The following LSAMP variants were observed in gnomAD, a reference collection of about 807,000 sequenced individuals.
LSAMP encodes the protein limbic system-associated membrane protein.
In LSAMP, 7 loss-of-function variants were observed where a neutral mutation model predicts 38.6. That is an observed-to-expected ratio of 0.18 (90% confidence interval 0.10 to 0.34). The LOEUF (loss-of-function observed/expected upper bound fraction) is 0.34, where lower values mean the gene tolerates loss of function less well. Among genes scored for constraint, LSAMP ranks in the 10% least tolerant of loss-of-function variants. The probability of loss-of-function intolerance (pLI) is 1.00; values close to 1 mark genes in which losing one functional copy is unlikely to be tolerated. For synonymous variants in LSAMP, 154 were observed against 166.8 expected, an observed-to-expected ratio of 0.92 and a Z score of 0.59; for missense variants, 313 against 420.0, an observed-to-expected ratio of 0.75 and a Z score of 2.23.
chr3:116,060,453 C>A (rs891392734), intron 2 of LSAMP, among the ~76,000 whole-genome samples: 2 of 152,132 alleles, frequency 1.3e-5, no homozygotes, highest in Non-Finnish European at 2.9e-5. Context: ...CACACACACA[C>A]ACATAGACAT....
chr3:115,894,270 C>T (rs982075371), intron 3 of LSAMP, among the ~76,000 whole-genome samples: 4 of 152,000 alleles, frequency 2.6e-5, no homozygotes, highest in African/African-American at 7.2e-5. Context: ...ACTAACAATT[C>T]CTTGCCTTTG....
chr3:116,147,172 T>C (rs1171550821), intron 1 of LSAMP, among the ~76,000 whole-genome samples: 2 of 151,930 alleles, frequency 1.3e-5, no homozygotes, highest in Non-Finnish European at 2.9e-5. Context: ...TTGACATACG[T>C]TCTATTTGTC....
intron 1 of LSAMP, among the ~76,000 whole-genome samples, chr3:116,271,939 A>G (rs116690039): frequency 0.013 from 1,970 of 152,156 alleles, 41 homozygotes; most frequent in African/African-American, 0.044. Flanking sequence ...AAAAAATAAT[A>G]TGGGTTAGTA....
At chr3:115,839,635 C>A (rs1934931402) in intron 6 of LSAMP, among the ~76,000 whole-genome samples, 1 of 152,096 alleles carries the variant, frequency 6.6e-6, no homozygotes, top group Non-Finnish European at 1.5e-5. Flanking sequence ...AAGTGTTATA[C>A]CTCCTAACTT....
In LSAMP at chr3:116,273,583, T is replaced by C. The variant is rs145326008; in HGVS notation, c.155+171294A>G. 4.7e-5 allele frequency among the ~76,000 whole-genome samples: 7 copies of C among 150,326 alleles called. No individual in the cohort carries two copies. In the Admixed American group the frequency reaches 4.7e-4, roughly 10 times the overall value. On this transcript the variant is annotated intron_variant, in intron 1 of 6. Coordinates refer to ENST00000490035, the MANE Select transcript of LSAMP (RefSeq NM_002338.5). Reference sequence around the variant, plus strand: ...TAATCTACTTTAGAATATGGAATTATGATCTATTTATTTTGAATTCACGTA... The same window carrying C: ...TAATCTACTTTAGAATATGGAATTACGATCTATTTATTTTGAATTCACGTA...
At chr3:116,010,542 C>T (rs931795478) in intron 3 of LSAMP, among the ~76,000 whole-genome samples, 2 of 152,096 alleles carry the variant, frequency 1.3e-5, no homozygotes, top group East Asian at 3.9e-4. Flanking sequence ...AGGAAAAGAA[C>T]AATTGCTGAT....
At chr3:115,827,336 C>CT (rs10712971) in intron 6 of LSAMP, among the ~76,000 whole-genome samples, 119 of 136,836 alleles carry the variant, frequency 8.7e-4, no homozygotes, top group African/African-American at 1.6e-3. Flanking sequence ...TTTTCTACTG[C>CT]TTTTTTTTTT....
intron 1 of LSAMP, among the ~76,000 whole-genome samples, chr3:116,112,597 C>T (rs1161866928): frequency 3.3e-5 from 5 of 152,224 alleles, no homozygotes; most frequent in African/African-American, 4.8e-5. Context: ...GGCTCACACA[C>T]ATCTTAAAGA....
intron 1 of LSAMP, among the ~76,000 whole-genome samples, chr3:116,397,282 A>G (rs1037735950): frequency 2.6e-5 from 4 of 152,046 alleles, no homozygotes; most frequent in Admixed American, 6.6e-5. Context: ...ATCTCCTTGC[A>G]ATTCCTTGAA....
At chr3:116,290,768 AATAAT>A (rs2047256198) in intron 1 of LSAMP, among the ~76,000 whole-genome samples, 1 of 146,952 alleles carries the variant, frequency 6.8e-6, no homozygotes, top group Admixed American at 6.9e-5. Flanking sequence ...TAATAATAAT[AATAAT>A]AAAATAAACT....
intron 3 of LSAMP, among the ~76,000 whole-genome samples, chr3:115,920,963 T>C (rs1937369136): frequency 6.6e-6 from 1 of 152,098 alleles, no homozygotes; most frequent in South Asian, 2.1e-4. Flanking sequence ...CTTCTTTGTC[T>C]CTTTTGACAG....
intron 1 of LSAMP, among the ~76,000 whole-genome samples, chr3:116,415,783 C>A (rs1194351661): frequency 6.6e-6 from 1 of 152,012 alleles, no homozygotes; most frequent in Non-Finnish European, 1.5e-5. Flanking sequence ...TAGGCCCTTG[C>A]AGAAAATGCA....
chr3:115,831,393 A>G (rs1389119855), intron 6 of LSAMP, among the ~76,000 whole-genome samples: 1 of 152,200 alleles, frequency 6.6e-6, no homozygotes, highest in Non-Finnish European at 1.5e-5. Context: ...CTTGAGAGTT[A>G]CATAAACAAA....
intron 3 of LSAMP, among the ~76,000 whole-genome samples, chr3:115,903,852 G>A (rs957699691): frequency 1.3e-5 from 2 of 152,048 alleles, no homozygotes; most frequent in African/African-American, 4.8e-5. Flanking sequence ...TTATTTAAAT[G>A]GTACTTAATA....
rs1374008233 is a variant in LSAMP at position 115,831,606 on chromosome 3, A to G, written c.919+10239T>C. ...CAGTACCCAGAAACCTCAGGAAACA[A>G]TGTCAACCTCACAAAGTGAGAAAAG... On this transcript the variant is annotated intron_variant, in intron 6 of 6. Coordinates refer to ENST00000490035, the MANE Select transcript of LSAMP (RefSeq NM_002338.5). Among the ~76,000 whole-genome samples, 6 of 152,166 alleles carry G rather than the reference A, an allele frequency of 3.9e-5. No homozygotes were observed. The East Asian group carries it at 9.6e-4, about 24-fold the overall frequency.
At chr3:116,196,057 C>CT (rs910262472) in intron 1 of LSAMP, among the ~76,000 whole-genome samples, 4 of 152,114 alleles carry the variant, frequency 2.6e-5, no homozygotes, top group African/African-American at 9.7e-5. Context: ...AATGTAAACA[C>CT]TTTTTTTGCA....
At chr3:116,020,460 T>C (rs1288600759) in intron 2 of LSAMP, among the ~76,000 whole-genome samples, 3 of 152,280 alleles carry the variant, frequency 2.0e-5, no homozygotes, top group Middle Eastern at 3.4e-3. Context: ...AACTGAGGCA[T>C]AGAGGGGGCT....
At chr3:116,273,091 T>A (rs1028358119) in intron 1 of LSAMP, among the ~76,000 whole-genome samples, 1 of 152,132 alleles carries the variant, frequency 6.6e-6, no homozygotes, top group Non-Finnish European at 1.5e-5. Flanking sequence ...ACTTAATAAT[T>A]TCAGAAAGAG....
intron 2 of LSAMP, among the ~76,000 whole-genome samples, chr3:116,033,781 A>AG (rs1013343005): frequency 6.6e-6 from 1 of 152,132 alleles, no homozygotes; most frequent in African/African-American, 2.4e-5. Context: ...GGGTTCATAT[A>AG]GAAAAAAAAC....
Sources: gnomAD v4.1 joint callset for allele counts (sites outside exome capture counted in the v4.1 genomes callset) on GRCh38, gnomAD v4.1.1 for gene constraint, MANE v1.5 for transcripts, NCBI Gene and HGNC (gene_info 2026-07-23, HGNC 2026-07-21) for gene names.